The following GPC6 variants were observed in gnomAD, a reference collection of about 807,000 sequenced individuals.
GPC6 encodes the protein glypican-6.
Under a neutral mutation model 55.2 loss-of-function variants are expected in GPC6, and 14 were observed. The observed-to-expected ratio is 0.25, with a 90% CI of 0.17 to 0.40. The LOEUF is 0.40. Among genes scored for constraint, GPC6 ranks in the 10% least tolerant of loss-of-function variants. GPC6 has a pLI of 1.00. For synonymous variants in GPC6, 278 were observed against 259.6 expected (o/e 1.07, Z -0.68); for missense variants, 641 against 708.5 (o/e 0.90, Z 1.08).
chr13:94,337,367 G>A (rs1877762504), intron 6 of GPC6, among the ~76,000 whole-genome samples: 1 of 152,174 alleles, frequency 6.6e-6, no homozygotes, highest in African/African-American at 2.4e-5. Context: ...CTGGTTAGGG[G>A]TGAGGGCAGA....
chr13:93,563,613 C>A (rs181322094), intron 2 of GPC6, among the ~76,000 whole-genome samples: 1 of 152,026 alleles, frequency 6.6e-6, no homozygotes, highest in African/African-American at 2.4e-5. Context: ...CGAGACAGGA[C>A]CAACTGGAAC....
chr13:94,148,225 G>A (rs1233330731), intron 4 of GPC6, among the ~76,000 whole-genome samples: 2 of 152,038 alleles, frequency 1.3e-5, no homozygotes, highest in African/African-American at 2.4e-5. Flanking sequence ...CTTCAGTATC[G>A]AGCCTTCTAA....
intron 2 of GPC6, among the ~76,000 whole-genome samples, chr13:93,696,956 G>A (rs1594380145): frequency 1.3e-5 from 2 of 152,184 alleles, no homozygotes; most frequent in Non-Finnish European, 2.9e-5. Flanking sequence ...TTTTAAAGCT[G>A]TATTTCTTGA....
chr13:93,427,206 C>T (rs1260525414), intron 1 of GPC6, among the ~76,000 whole-genome samples: 4 of 152,240 alleles, frequency 2.6e-5, no homozygotes, highest in African/African-American at 7.2e-5. Context: ...ATGCCATCTC[C>T]ATCAAGCTAC....
At chr13:93,509,270 C>T (rs1428575873) in intron 1 of GPC6, among the ~76,000 whole-genome samples, 1 of 152,144 alleles carries the variant, frequency 6.6e-6, no homozygotes, top group African/African-American at 2.4e-5. Flanking sequence ...CAGGTGATGA[C>T]ATGTTAAAAG....
At chr13:93,676,881 A>G (rs1000729245) in intron 2 of GPC6, among the ~76,000 whole-genome samples, 2 of 152,052 alleles carry the variant, frequency 1.3e-5, no homozygotes, top group African/African-American at 2.4e-5. Context: ...CTGGAACTCT[A>G]TCTCGGTGAA....
chr13:93,760,513 C>T (rs1232093046), intron 2 of GPC6, among the ~76,000 whole-genome samples: 3 of 152,144 alleles, frequency 2.0e-5, no homozygotes, highest in Non-Finnish European at 4.4e-5. Flanking sequence ...GCTCGGAGGG[C>T]ATCCAGAGCA....
chr13:93,348,839 T>C (rs1328118256), intron 1 of GPC6, among the ~76,000 whole-genome samples: 1 of 152,196 alleles, frequency 6.6e-6, no homozygotes, highest in Non-Finnish European at 1.5e-5. Context: ...TCTTCTTAGT[T>C]TGGTCTTTTA....
chr13:93,940,256 A>C (rs1878664475), intron 3 of GPC6, among the ~76,000 whole-genome samples: 1 of 152,130 alleles, frequency 6.6e-6, no homozygotes, highest in South Asian at 2.1e-4. Context: ...TATAACTATG[A>C]AAATTAGGGC....
chr13:93,551,468 C>T (rs923759907), intron 2 of GPC6, among the ~76,000 whole-genome samples: 14 of 152,120 alleles, frequency 9.2e-5, no homozygotes, highest in African/African-American at 2.2e-4. Flanking sequence ...CTGGTCTACA[C>T]GTAGGTTATT....
chr13:93,930,275 G>GTTTTTTTTT lies in GPC6; in HGVS notation c.712-97449_712-97441dup, dbSNP rs35858695. Among the ~76,000 whole-genome samples the GTTTTTTTTT allele has an allele frequency of 2.9e-4, 36 of 123,850 alleles. 3 individuals carry two copies. The highest frequency in any genetic ancestry group is 1.5e-3 in the East Asian group (6 of 3,912). The allele number at this position is 123,850 out of a possible 152,430, so 81.3% of individuals were successfully genotyped here. On this transcript the variant is annotated intron_variant, in intron 3 of 8. Transcript: ENST00000377047. ...TTTTAAAGGTTATTGGAAACGAAAG[G>GTTTTTTTTT]TTTTTTTTTTTTTGTAGACAGAGTC...
intron 3 of GPC6, among the ~76,000 whole-genome samples, chr13:93,859,246 A>T (rs1888728877): frequency 6.6e-6 from 1 of 151,638 alleles, no homozygotes; most frequent in African/African-American, 2.4e-5. Flanking sequence ...CAGCTAAATT[A>T]TAATGTATCC....
intron 2 of GPC6, among the ~76,000 whole-genome samples, chr13:93,668,554 C>T (rs12431241): frequency 0.027 from 4,065 of 152,080 alleles, 298 homozygotes; most frequent in East Asian, 0.2. Flanking sequence ...AGATGGGACC[C>T]AAATCCAATG....
chr13:94,130,750 A>T (rs546134107), intron 4 of GPC6, among the ~76,000 whole-genome samples: 4 of 152,244 alleles, frequency 2.6e-5, no homozygotes, highest in African/African-American at 9.6e-5. Context: ...CTTTATTAAG[A>T]GTCCTCATAG....
At chr13:93,812,404 G>C (rs1886726018) in intron 2 of GPC6, among the ~76,000 whole-genome samples, 1 of 151,860 alleles carries the variant, frequency 6.6e-6, no homozygotes, top group African/African-American at 2.4e-5. Context: ...AAAAAAGAAG[G>C]AGATCTGATA....
intron 3 of GPC6, among the ~76,000 whole-genome samples, chr13:93,832,122 A>AAAT (rs1555334870): frequency 2.5e-4 from 3 of 12,052 alleles, no homozygotes; most frequent in Non-Finnish European, 3.7e-4. Context: ...AAAAAAAAAA[A>AAAT]ATATATATAT....
chr13:93,950,430 A>T (rs530016723), intron 3 of GPC6, among the ~76,000 whole-genome samples: 3 of 152,164 alleles, frequency 2.0e-5, no homozygotes, highest in African/African-American at 7.2e-5. Flanking sequence ...TTTTCCACCT[A>T]TTAGGCATCT....
At chr13:93,244,677 C>T (rs1363709775) in intron 1 of GPC6, among the ~76,000 whole-genome samples, 1 of 152,194 alleles carries the variant, frequency 6.6e-6, no homozygotes, top group Non-Finnish European at 1.5e-5. Flanking sequence ...TTAAGCGGCT[C>T]CCCAGTGGGA....
At position 93,480,274 on chromosome 13, in the gene GPC6, ATTCCT is replaced by A. The variant is rs958640886; in HGVS notation, c.161-64986_161-64982del. Among the ~76,000 whole-genome samples, 7 of 152,264 alleles carry A rather than the reference ATTCCT, an allele frequency of 4.6e-5. No homozygotes were observed. In the South Asian group the frequency reaches 1.5e-3, roughly 32 times the overall value. On this transcript the variant is annotated intron_variant, in intron 1 of 8. Transcript: ENST00000377047. Reference sequence around the variant, plus strand: ...TGCATTGTAGAAAATTATCCAGGTGATTCCTTTACTTACATTTCTTTAAAGGGTAA... The same window carrying A: ...TGCATTGTAGAAAATTATCCAGGTGATTACTTACATTTCTTTAAAGGGTAA...
Sources: gnomAD v4.1 joint callset for allele counts (sites outside exome capture counted in the v4.1 genomes callset) on GRCh38, gnomAD v4.1.1 for gene constraint, MANE v1.5 for transcripts, NCBI Gene and HGNC (gene_info 2026-07-23, HGNC 2026-07-21) for gene names.